ANKLE2: variants seen among roughly 807,000 people sequenced by gnomAD.
ANKLE2 encodes ankyrin repeat and LEM domain containing 2.
In ANKLE2, 55 loss-of-function variants were observed where a neutral mutation model predicts 84.2. The ratio of observed to expected loss-of-function variants is 0.65; its 90% CI spans 0.53 to 0.82. The LOEUF (loss-of-function observed/expected upper bound fraction) is 0.82, where lower values mean the gene tolerates loss of function less well. Among genes scored for constraint, ANKLE2 ranks in the 40% least tolerant of loss-of-function variants. ANKLE2 has a pLI of 0.00. For synonymous variants in ANKLE2, 551 were observed against 486.1 expected (o/e 1.13, Z -1.76); for missense variants, 1,238 against 1,201.9 (o/e 1.03, Z -0.44).
chr12:132,747,841 G>A lies in ANKLE2; in HGVS notation c.1221C>T (p.Pro407=), dbSNP rs373211633. The change falls in exon 5 of 13, where the codon CCC becomes CCT. Residue 407 remains proline, a synonymous_variant. Transcript: ENST00000357997. ...GAGGGTGTGCACGCACCATCTTGTC[G>A]GGGGTGTTGAGGTACAGGTCCACCA... ...RYVVDLYLNT[P]DKMGYDTPLH... is the part of the protein sequence containing the mutation. 26 of 1,600,286 alleles carry A rather than the reference G, an allele frequency of 1.6e-5. No homozygotes were observed. The highest frequency in any genetic ancestry group is 1.7e-4 in the Middle Eastern group (1 of 6,026).
chr12:132,751,551 G>GT (rs1212723020), intron 2 of ANKLE2, among the ~76,000 whole-genome samples: 11 of 149,418 alleles, frequency 7.4e-5, no homozygotes, highest in East Asian at 6.0e-4. Context: ...GGGAATGGCT[G>GT]TTTTTTTTTG....
At chr12:132,735,838 G>A (rs534521666) in intron 8 of ANKLE2, among the ~76,000 whole-genome samples, 1 of 152,362 alleles carries the variant, frequency 6.6e-6, no homozygotes, top group South Asian at 2.1e-4. Context: ...ACGCACATGT[G>A]ACACTGCTCC....
At position 132,735,475 on chromosome 12, in the gene ANKLE2, C is replaced by G. The variant is rs548791422; in HGVS notation, c.1631G>C (p.Arg544Pro). The G allele has an allele frequency of 6.2e-7, 1 of 1,613,652 alleles. No individual in the cohort carries two copies. Among genetic ancestry groups the G allele is most frequent in the Non-Finnish European group, 8.5e-7 (1 of 1,179,980 alleles). The change falls in exon 9 of 13, where the codon CGA becomes CCA. Residue 544 changes from arginine to proline, a missense_variant. Coordinates refer to ENST00000357997, the MANE Select transcript of ANKLE2 (RefSeq NM_015114.3). The part of the protein sequence containing the change: ...DFRKLWKTPP[R>P]EKAGFLHHVK... ...GTGGTGAAGGAAGCCTGCTTTCTCT[C>G]GAGGTGGAGTTTTCCAGAGCTTGCG...
intron 1 of ANKLE2, chr12:132,761,305 G>A (rs1285028303): frequency 8.2e-6 from 2 of 244,486 alleles, no homozygotes; most frequent in East Asian, 7.7e-5. Flanking sequence ...CAGGTCTCGA[G>A]AGACCGCAGC....
At chr12:132,729,260 A>C (rs1313963046) in intron 11 of ANKLE2, among the ~76,000 whole-genome samples, 1 of 144,784 alleles carries the variant, frequency 6.9e-6, no homozygotes, top group Non-Finnish European at 1.5e-5. Context: ...CTGAGGCAGG[A>C]GAATTGGTTG....
chr12:132,748,297 G>A lies in ANKLE2; in HGVS notation c.882C>T (p.Asn294=). The change falls in exon 4 of 13, where the codon AAC becomes AAT. Residue 294 remains asparagine (N), a synonymous_variant. Transcript: ENST00000357997. Reference sequence around the variant, plus strand: ...TTTTGTAACTGTTCGCTCGCTCTTTGTTGACTGTTTCTGATTCCGACAAGC... The same window carrying A: ...TTTTGTAACTGTTCGCTCGCTCTTTATTGACTGTTTCTGATTCCGACAAGC... ...GLCLSESETV[N]KERANSYKNP... is the part of the protein sequence containing the mutation. 1 of 1,614,184 alleles carries A rather than the reference G, an allele frequency of 6.2e-7. No individual in the cohort carries two copies. The highest frequency in any genetic ancestry group is 8.5e-7 in the Non-Finnish European group (1 of 1,180,042).
intron 3 of ANKLE2, chr12:132,749,027 C>G (rs1302840950): frequency 6.6e-6 from 1 of 151,914 alleles, no homozygotes; most frequent in Non-Finnish European, 1.5e-5. Context: ...TCTGAAAGCT[C>G]GGTCAGTAGG....
At chr12:132,741,575 G>A in intron 6 of ANKLE2, 90 bp from the exon 7 acceptor site, 2 of 1,259,010 alleles carry the variant, frequency 1.6e-6, no homozygotes, top group Non-Finnish European at 2.3e-6. Flanking sequence ...TTTAAACTCA[G>A]TAAAGTAGAA....
At chr12:132,737,217 T>A (rs2044030781) in intron 7 of ANKLE2, 152 bp from the exon 8 acceptor site, 2 of 662,272 alleles carry the variant, frequency 3.0e-6, no homozygotes, top group Admixed American at 3.4e-5. Flanking sequence ...CAGAGCTCAC[T>A]GCACTTAATG....
intron 1 of ANKLE2, 48 bp downstream of exon 1, chr12:132,761,570 C>T (rs2044626381): frequency 1.4e-5 from 17 of 1,195,536 alleles, no homozygotes; most frequent in South Asian, 4.2e-5. Flanking sequence ...GGCGTCGGGG[C>T]GGGGAAGGGG....
intron 2 of ANKLE2, among the ~76,000 whole-genome samples, chr12:132,751,501 A>G (rs966392802): frequency 4.3e-4 from 66 of 152,016 alleles, no homozygotes; most frequent in African/African-American, 1.5e-3. Context: ...TCGGCCTCCC[A>G]GAGTGCTGGG....
chr12:132,729,728 C>CCT lies in ANKLE2; in HGVS notation c.2432_2433dup (p.Asp812ArgfsTer68). The CCT allele has an allele frequency of 6.2e-7, 1 of 1,610,444 alleles. No homozygotes were observed. ...GGTTCCCTGGTGACCTCGAGCTGAT[C>CCT]CTCGTGCCTGGGGCTGCTGGGACTC... On this transcript the variant is annotated frameshift_variant, in exon 11 of 13. Transcript: ENST00000357997. LOFTEE classifies it high-confidence loss of function.
At position 132,730,175 on chromosome 12, in the gene ANKLE2, G is replaced by C; in HGVS notation, c.1987C>G (p.Pro663Ala). The C allele has an allele frequency of 6.2e-7, 1 of 1,607,712 alleles. No individual in the cohort carries two copies. Among genetic ancestry groups the C allele is most frequent in the South Asian group, 1.1e-5 (1 of 90,984 alleles). ...NRQNAARNNS[P>A]PTVGAFGHTR... is the part of the protein sequence containing the mutation. ...TGTCCAAAAGCACCGACTGTGGGCG[G>C]GCTGTTATTTCGAGCTGCATTTTGC... is the stretch of plus-strand genomic sequence containing the variant. Residue 663 changes from proline to alanine, a missense_variant, in exon 11 of 13, where the codon CCG becomes GCG. Pro to Ala is a conservative substitution (Grantham distance 27, BLOSUM62 -1). This residue lies in a region of ANKLE2 where 802 missense variants were observed against 774.5 expected (regional missense o/e 1.04). Coordinates refer to ENST00000357997, the MANE Select transcript of ANKLE2 (RefSeq NM_015114.3).
intron 10 of ANKLE2, chr12:132,734,181 G>T (rs2043956991): frequency 1.6e-6 from 1 of 614,122 alleles, no homozygotes. Flanking sequence ...GGAGGTGGAG[G>T]TTGCAGTGAG....
intron 11 of ANKLE2, among the ~76,000 whole-genome samples, chr12:132,728,972 C>T (rs117623543): frequency 9.7e-4 from 148 of 152,224 alleles, no homozygotes; most frequent in Admixed American, 2.3e-3. Flanking sequence ...GGATCACCCA[C>T]GGTCCAACCA....
At chr12:132,732,817 G>A (rs1228868196) in intron 10 of ANKLE2, among the ~76,000 whole-genome samples, 60 of 62,562 alleles carry the variant, frequency 9.6e-4, no homozygotes, top group Admixed American at 1.5e-3. Context: ...GGTGTCTGAC[G>A]TGCACCATGT....
chr12:132,753,020 C>T (rs866009378), intron 2 of ANKLE2, among the ~76,000 whole-genome samples: 23 of 151,566 alleles, frequency 1.5e-4, no homozygotes, highest in African/African-American at 5.6e-4. Context: ...ATTTAATTAC[C>T]TAGGTGTGGC....
intron 1 of ANKLE2, 117 bp from the exon 2 acceptor site, chr12:132,755,250 AC>A (rs937605129): frequency 1.5e-5 from 16 of 1,081,894 alleles, no homozygotes; most frequent in African/African-American, 3.2e-5. Context: ...TTCATTAAAA[AC>A]TTTTTTTCTT....
chr12:132,750,961 G>T, intron 2 of ANKLE2, 112 bp from the exon 3 acceptor site: 1 of 911,366 alleles, frequency 1.1e-6, no homozygotes, highest in Non-Finnish European at 1.7e-6. Context: ...CAGTCGCCTG[G>T]CTTAGTTCAG....
Sources: allele counts gnomAD v4.1 joint callset (sites outside exome capture counted in the v4.1 genomes callset), GRCh38; gene constraint gnomAD v4.1.1; regional missense constraint gnomAD v4.1.1; transcripts MANE v1.5; gene names NCBI Gene and HGNC (gene_info 2026-07-23, HGNC 2026-07-21).